AKIRIN1: variants seen among roughly 807,000 people sequenced by gnomAD.
The protein encoded by AKIRIN1 is akirin 1.
AKIRIN1 carries 4 observed loss-of-function variants against 25.9 expected under a neutral mutation model. That is an observed-to-expected ratio of 0.15 (90% CI 0.08 to 0.35). The LOEUF is 0.35. AKIRIN1 is among the 10% of genes least tolerant of loss of function. AKIRIN1 has a pLI of 1.00. For missense variants in AKIRIN1, 243 were observed against 266.1 expected, an observed-to-expected ratio of 0.91 and a Z score of 0.61; for synonymous variants, 125 against 105.1, an observed-to-expected ratio of 1.19 and a Z score of -1.16.
rs4147755 is a variant in AKIRIN1, at chr1:39,002,648, T to C, written c.497-699T>C. Among the ~76,000 whole-genome samples the C allele has an allele frequency of 1.5e-4, 23 of 151,686 alleles. 1 individual carries two copies. In the East Asian group the frequency reaches 3.1e-3, roughly 20 times the overall value. On this transcript the variant is annotated intron_variant, in intron 3 of 4. Coordinates refer to ENST00000432648, the MANE Select transcript of AKIRIN1 (RefSeq NM_024595.3). ...GGGAGGCTGAGGCAGGAGAATGGCG[T>C]GAATCGGGGAGGCAGAGGTTGCAGT...
intron 1 of AKIRIN1, among the ~76,000 whole-genome samples, chr1:38,995,541 C>T (rs545784942): frequency 2.0e-5 from 3 of 152,254 alleles, no homozygotes; most frequent in South Asian, 2.1e-4. Context: ...CCATGGATAC[C>T]GTGTTTAGAT....
Position 39,000,992 on chromosome 1 carries a change from G to T in AKIRIN1, c.382G>T (p.Asp128Tyr). 1 of 1,612,736 alleles carries T rather than the reference G, an allele frequency of 6.2e-7. No individual in the cohort carries two copies. The highest frequency in any genetic ancestry group is 2.2e-5 in the East Asian group (1 of 44,820). The change falls in exon 3 of 5, where the codon GAC becomes TAC. Residue 128 changes from aspartate to tyrosine, a missense_variant. Asp to Tyr is a radical substitution (Grantham distance 160, BLOSUM62 -3). This residue lies in a region of AKIRIN1 where 190 missense variants were observed against 174.4 expected (regional missense o/e 1.09). Transcript: ENST00000432648. ...SSPGSSWMKK[D>Y]QPTFTLRQVG... ...GCCAGGTTCCTCATGGATGAAGAAG[G>T]ACCAGCCCACATTTACCCTCCGACA...
At position 39,004,468 on chromosome 1, in the gene AKIRIN1, GA is replaced by G; in HGVS notation, c.*414del. 1 of 286,510 alleles carries G rather than the reference GA, an allele frequency of 3.5e-6. No individual in the cohort carries two copies. The highest frequency in any genetic ancestry group is 6.8e-6 in the Non-Finnish European group (1 of 147,348). 17.7% of individuals were successfully genotyped at this position (286,510 alleles called of 1,614,324 possible). A position where few individuals can be genotyped will look rare whatever the true frequency, so the allele number is the denominator to read the frequency against. ...GCAAAAATTTTTTTTTGATCTTGGG[GA>G]TTCTGGCTGTGAATTTGGTGCACGA... On this transcript the variant is annotated 3_prime_UTR_variant, in exon 5 of 5. Transcript: ENST00000432648.
At chr1:38,991,974 C>G (rs1205618145) in intron 1 of AKIRIN1, among the ~76,000 whole-genome samples, 1 of 145,792 alleles carries the variant, frequency 6.9e-6, no homozygotes, top group East Asian at 2.0e-4. Flanking sequence ...AAATTGGATT[C>G]TACTCACGAA....
Position 38,991,326 on chromosome 1 carries a change from C to G in AKIRIN1, c.-55C>G. On this transcript the variant is annotated 5_prime_UTR_variant, in exon 1 of 5. Transcript: ENST00000432648. ...TGGCTGGCGAGCCCGGCTGAGGAGC[C>G]TCTTGGGCCGCACTTACCGCCGCGT... 1 of 1,310,556 alleles carries G rather than the reference C, an allele frequency of 7.6e-7. No homozygotes were observed. Among genetic ancestry groups the G allele is most frequent in the Non-Finnish European group, 9.7e-7 (1 of 1,028,220 alleles). The allele number at this position is 1,310,556 out of a possible 1,614,324, so 81.2% of individuals were successfully genotyped here.
In AKIRIN1 at chr1:39,001,090, CA is replaced by C; in HGVS notation, c.482del (p.Asn161IlefsTer4). 1 of 1,611,894 alleles carries C rather than the reference CA, an allele frequency of 6.2e-7. No individual in the cohort carries two copies. The highest frequency in any genetic ancestry group is 8.5e-7 in the Non-Finnish European group (1 of 1,179,148). On this transcript the variant is annotated frameshift_variant, in exon 3 of 5. Transcript: ENST00000432648. LOFTEE classifies it high-confidence loss of function. ...KIREEYEQIL[N>X]TKLAEQYESF... ...TTCGGGAGGAGTATGAGCAAATCCT[CA>C]ATACCAAACTAGCAGGTAGGCCCAG... is the stretch of plus-strand genomic sequence containing the variant.
Position 38,991,426 on chromosome 1 carries a change from G to C in AKIRIN1, c.46G>C (p.Ala16Pro), listed in dbSNP as rs1213754138. The C allele has an allele frequency of 3.7e-6, 5 of 1,363,396 alleles. No individual in the cohort carries two copies. The highest frequency in any genetic ancestry group is 4.7e-6 in the Non-Finnish European group (5 of 1,062,338). The allele number at this position is 1,363,396 out of a possible 1,614,324, so 84.5% of individuals were successfully genotyped here. A position where few individuals can be genotyped will look rare whatever the true frequency, so the allele number is the denominator to read the frequency against. Reference protein sequence around the residue: ...TLKRPMEFEAALLSPGSPKRR... With the variant: ...TLKRPMEFEAPLLSPGSPKRR... ...GAAGCGGCCCATGGAGTTCGAGGCG[G>C]CGCTGCTGAGCCCCGGCTCCCCGAA... is the stretch of plus-strand genomic sequence containing the variant. Residue 16 changes from alanine (A) to proline (P), a missense_variant, in exon 1 of 5, where the codon GCG (alanine) becomes CCG (proline). Around this residue, in one of 3 missense-constraint regions of AKIRIN1, gnomAD observed 28 missense variants for 46.4 expected, o/e 0.60. Transcript: ENST00000432648.
rs1188238306 is a variant in AKIRIN1 at position 39,001,228 on chromosome 1, T to TG, written c.496+124dup. The TG allele has an allele frequency of 3.4e-6, 4 of 1,186,786 alleles. No individual in the cohort carries two copies. The African/African-American group carries it at 6.2e-5, about 18-fold the overall frequency. 73.5% of individuals were successfully genotyped at this position (1,186,786 alleles called of 1,614,324 possible). A position where few individuals can be genotyped will look rare whatever the true frequency, so the allele number is the denominator to read the frequency against. On this transcript the variant is annotated intron_variant, in intron 3 of 4. Transcript: ENST00000432648. ...AAGGGAGTTTATTGAGTTGCGGGTA[T>TG]GGAAGTTACTCTTTGGTGATTGTAA...
In AKIRIN1 at chr1:39,004,532, G is replaced by C. The variant is rs532618590; in HGVS notation, c.*477G>C. On this transcript the variant is annotated 3_prime_UTR_variant, in exon 5 of 5. Coordinates refer to ENST00000432648, the MANE Select transcript of AKIRIN1 (RefSeq NM_024595.3). ...AAAAACATTTGCTTGGTCTAAAGAA[G>C]ATCATTAATGTTTTGTGACCATACA... The C allele has an allele frequency of 2.7e-3, 650 of 240,102 alleles. 4 individuals carry two copies. The highest frequency in any genetic ancestry group is 6.5e-3 in the Middle Eastern group (4 of 618). The allele number at this position is 240,102 out of a possible 1,614,324, so 14.9% of individuals were successfully genotyped here. A position where few individuals can be genotyped will look rare whatever the true frequency, so the allele number is the denominator to read the frequency against.
intron 1 of AKIRIN1, among the ~76,000 whole-genome samples, chr1:38,997,683 T>TC (rs1298690691): frequency 6.6e-6 from 1 of 152,104 alleles, no homozygotes; most frequent in Admixed American, 6.6e-5. Context: ...TTTTTTAAAG[T>TC]CCCATATGGG....
Position 38,993,471 on chromosome 1 carries a change from GTTATT to G in AKIRIN1, c.220+1874_220+1878del, listed in dbSNP as rs751853502. 2.0e-5 allele frequency among the ~76,000 whole-genome samples: 3 copies of G among 151,418 alleles called. No homozygotes were observed. The East Asian group carries it at 5.8e-4, about 29-fold the overall frequency. On this transcript the variant is annotated intron_variant, in intron 1 of 4. Coordinates refer to ENST00000432648, the MANE Select transcript of AKIRIN1 (RefSeq NM_024595.3). Reference sequence around the variant, plus strand: ...AGACTCCATCTTAAAAAAAAAAAAAGTTATTTTTGTTTTGGGGGCAGTGGTGGCAT... The same window carrying G: ...AGACTCCATCTTAAAAAAAAAAAAAGTTTGTTTTGGGGGCAGTGGTGGCAT...
chr1:39,003,966 T>A, intron 4 of AKIRIN1, 79 bp from the exon 5 acceptor site: 1 of 1,258,310 alleles, frequency 7.9e-7, no homozygotes, highest in Non-Finnish European at 1.1e-6. Context: ...TCACATTTAC[T>A]GTTAGTGAAA....
In AKIRIN1 at chr1:39,003,416, G is replaced by A; in HGVS notation, c.566G>A (p.Ser189Asn). Residue 189 changes from serine to asparagine, a missense_variant and splice_region_variant, in exon 4 of 5, where the codon AGC (serine) becomes AAC (asparagine). By Grantham distance (46) the Ser-to-Asn change is conservative (BLOSUM62 1). Coordinates refer to ENST00000432648, the MANE Select transcript of AKIRIN1 (RefSeq NM_024595.3). The stretch of plus-strand genomic sequence containing the variant: ...CGACGGTATGGGACAAGGCCAACAA[G>A]CTGTAAGTATTGCCACATTTTCTTT... ...IMRRYGTRPT[S>N]YVS The A allele has an allele frequency of 1.2e-6, 2 of 1,611,682 alleles. No homozygotes were observed. Among genetic ancestry groups the A allele is most frequent in the Admixed American group, 1.7e-5 (1 of 59,458 alleles).
chr1:39,003,597 AC>A (rs2148070589), intron 4 of AKIRIN1, among the ~76,000 whole-genome samples, 179 bp downstream of exon 4: 1 of 152,336 alleles, frequency 6.6e-6, no homozygotes, highest in South Asian at 2.1e-4. Context: ...ATGAGGGAGT[AC>A]TATTATTAGC....
chr1:38,997,121 G>C (rs953103561), intron 1 of AKIRIN1, among the ~76,000 whole-genome samples: 1 of 147,048 alleles, frequency 6.8e-6, no homozygotes, highest in African/African-American at 2.5e-5. Context: ...AAAAAAAAAA[G>C]GTGGTTATAG....
chr1:38,994,508 C>CT (rs953325410), intron 1 of AKIRIN1, among the ~76,000 whole-genome samples: 2 of 151,664 alleles, frequency 1.3e-5, no homozygotes, highest in South Asian at 2.1e-4. Context: ...TTAGCTGAGT[C>CT]TTTTTTTGTT....
In AKIRIN1 at chr1:39,005,290, A is replaced by G. The variant is rs1166897850; in HGVS notation, c.*1235A>G. On this transcript the variant is annotated 3_prime_UTR_variant, in exon 5 of 5. Transcript: ENST00000432648. The stretch of plus-strand genomic sequence containing the variant: ...GCCACTGCACTCCAGCCTGGGCAAC[A>G]AAACGAGACTTCGTCTCAAAAAAAA... The G allele has an allele frequency of 6.7e-6, 1 of 149,142 alleles. No individual in the cohort carries two copies. The highest frequency in any genetic ancestry group is 2.5e-5 in the African/African-American group (1 of 40,588). 9.2% of individuals were successfully genotyped at this position (149,142 alleles called of 1,614,324 possible).
chr1:39,002,416 A>G (rs1283532640), intron 3 of AKIRIN1, among the ~76,000 whole-genome samples: 1 of 152,162 alleles, frequency 6.6e-6, no homozygotes, highest in Non-Finnish European at 1.5e-5. Flanking sequence ...AACTACTTTG[A>G]TCCTTTAATA....
chr1:38,991,426 G>A lies in AKIRIN1; in HGVS notation c.46G>A (p.Ala16Thr). ...GAAGCGGCCCATGGAGTTCGAGGCG[G>A]CGCTGCTGAGCCCCGGCTCCCCGAA... ...TLKRPMEFEA[A>T]LLSPGSPKRR... The change falls in exon 1 of 5, where the codon GCG (alanine) becomes ACG (threonine). Residue 16 changes from alanine to threonine, a missense_variant. Physicochemically the swap from Ala to Thr is moderately conservative, Grantham distance 58. Around this residue, in one of 3 missense-constraint regions of AKIRIN1, gnomAD observed 28 missense variants for 46.4 expected, o/e 0.60. Coordinates refer to ENST00000432648, the MANE Select transcript of AKIRIN1 (RefSeq NM_024595.3). The A allele has an allele frequency of 7.3e-7, 1 of 1,363,504 alleles. No homozygotes were observed. The allele number at this position is 1,363,504 out of a possible 1,614,324, so 84.5% of individuals were successfully genotyped here. A position where few individuals can be genotyped will look rare whatever the true frequency, so the allele number is the denominator to read the frequency against.
Sources: allele counts gnomAD v4.1 joint callset (sites outside exome capture counted in the v4.1 genomes callset), GRCh38; gene constraint gnomAD v4.1.1; regional missense constraint gnomAD v4.1.1; transcripts MANE v1.5; gene names NCBI Gene and HGNC (gene_info 2026-07-23, HGNC 2026-07-21).